The following NCKAP5 variants were observed in gnomAD, a reference collection of about 807,000 sequenced individuals.
NCKAP5 encodes the protein nck-associated protein 5.
In NCKAP5, 92 loss-of-function variants were observed where a neutral mutation model predicts 167.0. The observed-to-expected ratio is 0.55, with a 90% CI of 0.47 to 0.66. The LOEUF is 0.66. Ranked by LOEUF, NCKAP5 falls within the 30% of genes least tolerant of loss-of-function variation. NCKAP5 has a pLI of 0.00. For missense variants in NCKAP5, 2,378 were observed against 2,315.0 expected (o/e 1.03, Z -0.56); for synonymous variants, 891 against 877.4 (o/e 1.02, Z -0.27).
At chr2:132,698,856 C>A (rs1386356624) in intron 19 of NCKAP5, among the ~76,000 whole-genome samples, 66 of 146,822 alleles carry the variant, frequency 4.5e-4, no homozygotes, top group East Asian at 9.9e-4. Flanking sequence ...AACAAACAAA[C>A]AAAAAAAAAA....
chr2:133,122,444 T>A (rs893677311), intron 6 of NCKAP5: 2 of 152,170 alleles, frequency 1.3e-5, no homozygotes, highest in African/African-American at 4.8e-5. Flanking sequence ...AGAGAAATTG[T>A]TAAAAAGTGA....
chr2:132,986,858 G>A (rs970413261), intron 7 of NCKAP5, among the ~76,000 whole-genome samples: 1 of 152,116 alleles, frequency 6.6e-6, no homozygotes, highest in Non-Finnish European at 1.5e-5. Flanking sequence ...AATGACCCTA[G>A]GGTGTAAGAG....
At chr2:133,491,765 A>C (rs1681466832) in intron 3 of NCKAP5, among the ~76,000 whole-genome samples, 1 of 152,192 alleles carries the variant, frequency 6.6e-6, no homozygotes, top group Non-Finnish European at 1.5e-5. Flanking sequence ...GACTAAAGCC[A>C]CATGGGCAGA....
intron 16 of NCKAP5, among the ~76,000 whole-genome samples, chr2:132,754,990 T>C (rs1443380734): frequency 3.3e-5 from 5 of 152,234 alleles, no homozygotes; most frequent in African/African-American, 1.2e-4. Flanking sequence ...TTCAGCACAA[T>C]GCCTGGAATG....
At chr2:133,316,720 G>T (rs923231983) in intron 3 of NCKAP5, among the ~76,000 whole-genome samples, 2 of 152,144 alleles carry the variant, frequency 1.3e-5, no homozygotes, top group Non-Finnish European at 2.9e-5. Context: ...CTCTACTGCC[G>T]CTGGGTGGGA....
At chr2:133,322,496 A>G (rs952107321) in intron 3 of NCKAP5, among the ~76,000 whole-genome samples, 15 of 152,212 alleles carry the variant, frequency 9.9e-5, no homozygotes, top group Middle Eastern at 3.2e-3. Context: ...TACCAGTAAA[A>G]CAGTGTGTCT....
At chr2:133,548,986 C>T (rs1198107524) in intron 2 of NCKAP5, among the ~76,000 whole-genome samples, 2 of 151,834 alleles carry the variant, frequency 1.3e-5, no homozygotes, top group Non-Finnish European at 2.9e-5. Context: ...GGAAACCCAT[C>T]TCACATGCAG....
At chr2:133,579,726 G>T in the NCKAP5 span, among the ~76,000 whole-genome samples, 22 of 152,252 alleles carry the variant, frequency 1.4e-4, no homozygotes, top group African/African-American at 4.8e-4. Flanking sequence ...AATAAACACT[G>T]CCCTCCATCA....
chr2:133,550,131 G>A (rs1480384149), intron 2 of NCKAP5, among the ~76,000 whole-genome samples: 3 of 147,472 alleles, frequency 2.0e-5, no homozygotes, highest in Non-Finnish European at 3.0e-5. Flanking sequence ...AAAGAGTCCA[G>A]GACCAGATGG....
chr2:133,577,838 G>C, the NCKAP5 span, among the ~76,000 whole-genome samples: 1 of 152,104 alleles, frequency 6.6e-6, no homozygotes. Context: ...CTCTTAACCA[G>C]ATGGAAAAAC....
At chr2:133,637,476 C>CAAA in the NCKAP5 span, among the ~76,000 whole-genome samples, 315 of 31,596 alleles carry the variant, frequency 1.0e-2, 13 homozygotes, top group East Asian at 0.038. Context: ...TGGTATTTTC[C>CAAA]AAAAAAAAAA....
intron 6 of NCKAP5, among the ~76,000 whole-genome samples, chr2:133,000,388 C>T (rs2077738661): frequency 6.6e-6 from 1 of 152,138 alleles, no homozygotes; most frequent in African/African-American, 2.4e-5. Context: ...GGAAACCTGA[C>T]ACAACACAGC....
the NCKAP5 span, among the ~76,000 whole-genome samples, chr2:133,584,941 A>AGAAGGAAGGAAGGAAGGAAG: frequency 6.9e-3 from 784 of 113,862 alleles, 20 homozygotes; most frequent in South Asian, 8.4e-3. Flanking sequence ...AAAAAAAGAA[A>AGAAGGAAGGAAGGAAGGAAG]GAAGGAAGGA....
chr2:133,617,995 T>C, the NCKAP5 span, among the ~76,000 whole-genome samples: 4 of 152,102 alleles, frequency 2.6e-5, no homozygotes, highest in South Asian at 2.1e-4. Flanking sequence ...TCAGAAATAA[T>C]GCCCCATATC....
intron 4 of NCKAP5, among the ~76,000 whole-genome samples, chr2:133,257,445 A>G (rs2088673821): frequency 6.6e-6 from 1 of 152,210 alleles, no homozygotes; most frequent in African/African-American, 2.4e-5. Context: ...TTAAGCAGCT[A>G]AATGCATTTA....
intron 8 of NCKAP5, among the ~76,000 whole-genome samples, chr2:132,951,383 G>A (rs2076182657): frequency 1.3e-5 from 2 of 152,276 alleles, no homozygotes; most frequent in South Asian, 4.1e-4. Flanking sequence ...TTCTGAAACA[G>A]GAGTAATTAC....
chr2:132,839,978 A>G (rs1688182969), intron 11 of NCKAP5, among the ~76,000 whole-genome samples: 1 of 152,040 alleles, frequency 6.6e-6, no homozygotes, highest in Non-Finnish European at 1.5e-5. Flanking sequence ...CTATACTATG[A>G]CTCTATACCA....
intron 3 of NCKAP5, among the ~76,000 whole-genome samples, chr2:133,384,897 G>C (rs543958313): frequency 2.3e-4 from 35 of 152,310 alleles, no homozygotes; most frequent in African/African-American, 8.4e-4. Context: ...CATTGATTTT[G>C]TATGCTGAGA....
chr2:133,644,611 A>G, the NCKAP5 span, among the ~76,000 whole-genome samples: 1 of 152,158 alleles, frequency 6.6e-6, no homozygotes, highest in Non-Finnish European at 1.5e-5. Flanking sequence ...TATTTCTCAT[A>G]TTACATTTAT....
Sources: gnomAD v4.1 joint callset for allele counts (sites outside exome capture counted in the v4.1 genomes callset) on GRCh38, gnomAD v4.1.1 for gene constraint, MANE v1.5 for transcripts, NCBI Gene and HGNC (gene_info 2026-07-23, HGNC 2026-07-21) for gene names.